The following EML5 variants were observed in gnomAD, a reference collection of about 807,000 sequenced individuals.
EML5 encodes the protein echinoderm microtubule-associated protein-like 5.
Under a neutral mutation model 250.0 loss-of-function variants are expected in EML5, and 120 were observed. That is an observed-to-expected ratio of 0.48 (90% CI 0.41 to 0.56). The LOEUF (loss-of-function observed/expected upper bound fraction) is 0.56. Ranked by LOEUF, EML5 falls within the 20% of genes least tolerant of loss-of-function variation. The pLI, the probability that EML5 is intolerant of heterozygous loss-of-function variation, is 0.00. For synonymous variants in EML5, 771 were observed against 806.5 expected (o/e 0.96, Z 0.75); for missense variants, 2,006 against 2,437.6 (o/e 0.82, Z 3.73).
chr14:88,755,436 T>C (rs1192774637), intron 1 of EML5, among the ~76,000 whole-genome samples: 1 of 152,110 alleles, frequency 6.6e-6, no homozygotes, highest in African/African-American at 2.4e-5. Context: ...AATTCTTAAA[T>C]TATAAATTCC....
At chr14:88,682,074 T>C in intron 20 of EML5, 43 bp from the exon 21 acceptor site, 1 of 1,494,874 alleles carries the variant, frequency 6.7e-7, no homozygotes, top group Non-Finnish European at 8.9e-7. Flanking sequence ...TGTGTGTGTA[T>C]ATTTATACAC....
Position 88,638,858 on chromosome 14 carries a change from T to C in EML5, c.4287A>G (p.Thr1429=). The C allele has an allele frequency of 6.3e-7, 1 of 1,599,372 alleles. No homozygotes were observed. Among genetic ancestry groups the C allele is most frequent in the Non-Finnish European group, 8.5e-7 (1 of 1,172,452 alleles). Residue 1429 remains threonine (T), a synonymous_variant, in exon 32 of 44, where the codon ACA becomes ACG. Coordinates refer to ENST00000554922, the MANE Select transcript of EML5 (RefSeq NM_183387.3). ...TGATAAATTTGGGGTGCTGGTTTAC[T>C]GTGAGGCACAGAATATCATCATTAT... The part of the protein sequence containing the change: ...QEHNDDILCL[T]VNQHPKFINI...
At position 88,620,708 on chromosome 14, in the gene EML5, T is replaced by C; in HGVS notation, c.5375+46A>G. Reference sequence around the variant, plus strand: ...CTATGGAAAATTTTACAAATGGAAGTTAAATCAAGTATATACTAGAAACTC... The same window carrying C: ...CTATGGAAAATTTTACAAATGGAAGCTAAATCAAGTATATACTAGAAACTC... On this transcript the variant is annotated intron_variant, in intron 39 of 43. Transcript: ENST00000554922. This position sits in a 1 kb window ranked among gnomAD's most constrained non-coding sequence, Gnocchi z 4.3. The C allele has an allele frequency of 7.1e-7, 1 of 1,402,024 alleles. No homozygotes were observed. The allele number at this position is 1,402,024 out of a possible 1,614,324, so 86.8% of individuals were successfully genotyped here. A position where few individuals can be genotyped will look rare whatever the true frequency, so the allele number is the denominator to read the frequency against.
At chr14:88,617,118 G>T in intron 41 of EML5, 2 of 332,514 alleles carry the variant, frequency 6.0e-6, no homozygotes, top group East Asian at 4.7e-5. Flanking sequence ...GATTAAAGTA[G>T]TACTTTATGA....
chr14:88,712,383 A>T lies in EML5; in HGVS notation c.1545T>A (p.Tyr515Ter). 4 of 1,613,644 alleles carry T rather than the reference A, an allele frequency of 2.5e-6. No homozygotes were observed. Among genetic ancestry groups the T allele is most frequent in the Non-Finnish European group, 3.4e-6 (4 of 1,179,692 alleles). ...GLEVNGIWPK[Y>*]SDINDINSVD... ...CTGAATTTATATCGTTGATATCTGA[A>T]TACTTGGGCCAAATTCCATTTACTT... is the stretch of plus-strand genomic sequence containing the variant. The change falls in exon 10 of 44, where the codon TAT (tyrosine) becomes TAA (stop). Residue 515 changes from tyrosine (Y) to a stop codon, truncating the protein, a stop_gained. Coordinates refer to ENST00000554922, the MANE Select transcript of EML5 (RefSeq NM_183387.3). LOFTEE classifies it high-confidence loss of function.
chr14:88,740,710 A>C, intron 4 of EML5, 138 bp from the exon 5 acceptor site: 1 of 708,656 alleles, frequency 1.4e-6, no homozygotes, highest in Non-Finnish European at 2.2e-6. Flanking sequence ...AATAGCATTC[A>C]ATGTTCAGAT....
intron 1 of EML5, among the ~76,000 whole-genome samples, chr14:88,768,581 T>C (rs2094350519): frequency 6.6e-6 from 1 of 152,068 alleles, no homozygotes; most frequent in African/African-American, 2.4e-5. Context: ...TGGCTAATTT[T>C]TTGTATTTTT....
At chr14:88,712,963 C>T (rs749016206) in intron 9 of EML5, among the ~76,000 whole-genome samples, 12 of 152,020 alleles carry the variant, frequency 7.9e-5, no homozygotes, top group South Asian at 4.2e-4. Flanking sequence ...CTTTAGGACC[C>T]GGTCAGTCTT....
At chr14:88,734,239 C>T (rs978352485) in intron 7 of EML5, among the ~76,000 whole-genome samples, 3 of 151,970 alleles carry the variant, frequency 2.0e-5, no homozygotes, top group African/African-American at 7.2e-5. Context: ...ACCTTTCTGC[C>T]TTTATTATAA....
At chr14:88,656,984 G>T (rs1414476596) in intron 27 of EML5, among the ~76,000 whole-genome samples, 1 of 152,054 alleles carries the variant, frequency 6.6e-6, no homozygotes, top group Non-Finnish European at 1.5e-5. Flanking sequence ...CATCAATAGG[G>T]TTTTGTTTTT....
rs148289296 is a variant in EML5 at position 88,634,632 on chromosome 14, C to T, written c.4337-143G>A. 92 of 422,256 alleles carry T rather than the reference C, an allele frequency of 2.2e-4. No homozygotes were observed. In the East Asian group the frequency reaches 3.5e-3, roughly 16 times the overall value. 26.2% of individuals were successfully genotyped at this position (422,256 alleles called of 1,614,324 possible). ...ATTGAGTAAACTGTAAGAGAAGGCA[C>T]TCATTTCAATCATACATACTTATTA... On this transcript the variant is annotated intron_variant, in intron 32 of 43. Transcript: ENST00000554922.
At chr14:88,746,534 T>C (rs1002416817) in intron 2 of EML5, among the ~76,000 whole-genome samples, 4 of 152,108 alleles carry the variant, frequency 2.6e-5, no homozygotes, top group Non-Finnish European at 5.9e-5. Flanking sequence ...CAAAATATCC[T>C]AAATATACCT....
rs2094494443 is a variant in EML5, at chr14:88,781,190, T to C, written c.197+11117A>G. ...CAAATACAATGCTCATGCTGTTTTC[T>C]GTGCATATACAAAGTGATAAATCCT... On this transcript the variant is annotated intron_variant, in intron 1 of 43. Transcript: ENST00000554922. Among the ~76,000 whole-genome samples, 4 of 152,244 alleles carry C rather than the reference T, an allele frequency of 2.6e-5. No individual in the cohort carries two copies. In the South Asian group the frequency reaches 8.3e-4, roughly 32 times the overall value.
chr14:88,686,631 G>C (rs1337059510), intron 19 of EML5, among the ~76,000 whole-genome samples: 3 of 152,060 alleles, frequency 2.0e-5, no homozygotes, highest in Non-Finnish European at 2.9e-5. Context: ...GGACAACATA[G>C]AGGGACCCTG....
intron 34 of EML5, 98 bp from the exon 35 acceptor site, chr14:88,627,144 G>A: frequency 7.8e-7 from 1 of 1,279,170 alleles, no homozygotes; most frequent in Non-Finnish European, 1.1e-6. Context: ...AAAAACAAAG[G>A]CTTAGAAGAG....
intron 14 of EML5, among the ~76,000 whole-genome samples, chr14:88,699,615 G>A (rs2093162400): frequency 6.6e-6 from 1 of 152,126 alleles, no homozygotes; most frequent in Non-Finnish European, 1.5e-5. Context: ...GAAGACCAAT[G>A]GCTATAGTAA....
At chr14:88,629,632 C>A (rs867686113) in intron 33 of EML5, among the ~76,000 whole-genome samples, 20 of 152,170 alleles carry the variant, frequency 1.3e-4, no homozygotes, top group Admixed American at 1.1e-3. Flanking sequence ...TTCCAGGAGG[C>A]CATGAGGTAT....
chr14:88,753,369 T>C (rs1835727234), intron 2 of EML5, among the ~76,000 whole-genome samples: 1 of 152,212 alleles, frequency 6.6e-6, no homozygotes, highest in Admixed American at 6.5e-5. Context: ...AAAGAAGCTA[T>C]TCCTCAGAGT....
intron 8 of EML5, 30 bp from the exon 9 acceptor site, chr14:88,715,225 G>A (rs1260801113): frequency 6.5e-7 from 1 of 1,541,858 alleles, no homozygotes. Flanking sequence ...GAGACTACAT[G>A]AACAGAAGTC....
Sources: allele counts gnomAD v4.1 joint callset (sites outside exome capture counted in the v4.1 genomes callset), GRCh38; gene constraint gnomAD v4.1.1; non-coding constraint Gnocchi (gnomAD v3.1); transcripts MANE v1.5; gene names NCBI Gene and HGNC (gene_info 2026-07-23, HGNC 2026-07-21).